The following KLF13 variants were observed in gnomAD, a reference collection of about 807,000 sequenced individuals.
KLF13 encodes KLF transcription factor 13.
Under a neutral mutation model 16.7 loss-of-function variants are expected in KLF13, and 8 were observed. That is an observed-to-expected ratio of 0.48 (90% CI 0.28 to 0.87). The LOEUF is 0.87. Among genes scored for constraint, KLF13 ranks in the 40% least tolerant of loss-of-function variants. The pLI is 0.10. For synonymous variants in KLF13, 245 were observed against 208.4 expected (o/e 1.18, Z -1.51); for missense variants, 447 against 452.2 (o/e 0.99, Z 0.10).
chr15:31,418,961 A>C (rs942104386), intron 1 of KLF13, among the ~76,000 whole-genome samples: 3 of 152,184 alleles, frequency 2.0e-5, no homozygotes, highest in Admixed American at 6.5e-5. Flanking sequence ...ACATACATAT[A>C]TACAAACATA....
chr15:31,396,067 C>T (rs2039948164), intron 2 of KLF13, among the ~76,000 whole-genome samples: 1 of 152,072 alleles, frequency 6.6e-6, no homozygotes, highest in South Asian at 2.1e-4. Flanking sequence ...CTCTTGTTTC[C>T]CATGCTGGAG....
At chr15:31,366,397 G>A (rs2140961641) in intron 1 of KLF13, 1 of 152,548 alleles carries the variant, frequency 6.6e-6, no homozygotes, top group African/African-American at 2.4e-5. Context: ...CCCATGCACA[G>A]GCACAGGCAC....
chr15:31,390,630 C>T (rs1290799117), upstream of KLF13, among the ~76,000 whole-genome samples: 2 of 152,198 alleles, frequency 1.3e-5, no homozygotes, highest in South Asian at 2.1e-4. Flanking sequence ...CTGCATTCCA[C>T]GGAGCACTCC....
At chr15:31,353,900 C>T (rs2039258073) in intron 1 of KLF13, among the ~76,000 whole-genome samples, 1 of 152,216 alleles carries the variant, frequency 6.6e-6, no homozygotes, top group African/African-American at 2.4e-5. Flanking sequence ...TAAACAGAAA[C>T]CAGGCTGCTT....
chr15:31,342,364 C>T (rs1463265087), intron 1 of KLF13, among the ~76,000 whole-genome samples: 1 of 152,228 alleles, frequency 6.6e-6, no homozygotes, highest in African/African-American at 2.4e-5. Flanking sequence ...CGGCTGCCCT[C>T]CCAGGGACGC....
At chr15:31,432,954 A>C (rs2040491025) in intron 1 of KLF13, among the ~76,000 whole-genome samples, 1 of 152,170 alleles carries the variant, frequency 6.6e-6, no homozygotes, top group Non-Finnish European at 1.5e-5. Flanking sequence ...ATCTCTACTA[A>C]AAATACAAAA....
chr15:31,347,419 G>A (rs1042299935), intron 1 of KLF13, among the ~76,000 whole-genome samples: 2 of 152,204 alleles, frequency 1.3e-5, no homozygotes, highest in African/African-American at 2.4e-5. Flanking sequence ...TTTGCCGCAC[G>A]TGGGTGGCAA....
rs2038718143 is a variant in KLF13 at position 31,326,953 on chromosome 15, G to GCCCCTGACGCCGCGCGGGGA, written c.-255_-236dup. On this transcript the variant is annotated 5_prime_UTR_variant, in exon 1 of 2. Transcript: ENST00000307145. ...CCGCTCGGCATCCTTAGAACCGGCC[G>GCCCCTGACGCCGCGCGGGGA]CCCCTGACGCCGCGCGGGGACCCCA... The GCCCCTGACGCCGCGCGGGGA allele has an allele frequency of 6.3e-6, 1 of 158,096 alleles. No homozygotes were observed. The highest frequency in any genetic ancestry group is 2.4e-5 in the African/African-American group (1 of 41,336). The allele number at this position is 158,096 out of a possible 1,614,324, so 9.8% of individuals were successfully genotyped here.
At chr15:31,379,446 A>G (rs76127796), downstream of KLF13, among the ~76,000 whole-genome samples, 1 of 143,024 alleles carries the variant, frequency 7.0e-6, no homozygotes, top group East Asian at 2.0e-4. Flanking sequence ...TATTGACAGG[A>G]AAAAAAAAAA....
At chr15:31,420,252 T>C in intron 1 of KLF13, 2 of 696,236 alleles carry the variant, frequency 2.9e-6, no homozygotes, top group Non-Finnish European at 2.6e-6. Flanking sequence ...CTGATGACCC[T>C]CATGATATCT....
Position 31,397,880 on chromosome 15 carries a change from G to T in KLF13, n.529+4189G>T, listed in dbSNP as rs113307870. Among the ~76,000 whole-genome samples the T allele has an allele frequency of 1.2e-4, 17 of 146,466 alleles. No individual in the cohort carries two copies. The South Asian group carries it at 3.0e-3, about 25-fold the overall frequency. On this transcript the variant is annotated intron_variant and non_coding_transcript_variant, in intron 2 of 2. Coordinates refer to the KLF13 transcript ENST00000500533. Reference sequence around the variant, plus strand: ...TGGTCTTTGGGGGTGGCGGCGGGGGGGGTGGTGATCCACTCTCCCTGGGGA... The same window carrying T: ...TGGTCTTTGGGGGTGGCGGCGGGGGTGGTGGTGATCCACTCTCCCTGGGGA...
At chr15:31,363,590 G>A (rs1363820863) in intron 1 of KLF13, among the ~76,000 whole-genome samples, 2 of 152,218 alleles carry the variant, frequency 1.3e-5, no homozygotes, top group Admixed American at 1.3e-4. Context: ...ACGCTCAAGT[G>A]ATTCTCCTGT....
intron 1 of KLF13, among the ~76,000 whole-genome samples, chr15:31,422,142 A>AAAAG (rs2040335233): frequency 1.3e-5 from 2 of 151,880 alleles, no homozygotes; most frequent in African/African-American, 2.4e-5. Flanking sequence ...CAAAAAAAAA[A>AAAAG]AAAAAAGAAA....
intron 1 of KLF13, among the ~76,000 whole-genome samples, chr15:31,348,899 A>G (rs1039747760): frequency 2.6e-5 from 4 of 152,158 alleles, no homozygotes; most frequent in African/African-American, 9.7e-5. Context: ...TCTTCTTACT[A>G]TAATGTCACA....
intron 1 of KLF13, among the ~76,000 whole-genome samples, chr15:31,353,999 C>T (rs979707779): frequency 2.6e-5 from 4 of 152,242 alleles, no homozygotes; most frequent in Non-Finnish European, 4.4e-5. Context: ...ACTCCAGGAC[C>T]CAGGTTGTAG....
intron 1 of KLF13, among the ~76,000 whole-genome samples, chr15:31,332,979 T>A (rs990855076): frequency 4.6e-5 from 7 of 152,162 alleles, no homozygotes; most frequent in Non-Finnish European, 8.8e-5. Flanking sequence ...CTAGCAGGGA[T>A]CTTGAGATAC....
intron 1 of KLF13, among the ~76,000 whole-genome samples, chr15:31,335,957 CAGG>C (rs1336697443): frequency 6.6e-6 from 1 of 152,264 alleles, no homozygotes; most frequent in Non-Finnish European, 1.5e-5. Context: ...CCTCCTGTCT[CAGG>C]AGAAACTTCT....
chr15:31,418,201 G>A (rs545109756), intron 1 of KLF13, among the ~76,000 whole-genome samples: 1 of 152,220 alleles, frequency 6.6e-6, no homozygotes, highest in South Asian at 2.1e-4. Flanking sequence ...CTTGTTGGAA[G>A]CAGCTAAAGT....
intron 1 of KLF13, among the ~76,000 whole-genome samples, chr15:31,359,455 G>C (rs1409718041): frequency 6.6e-6 from 1 of 152,206 alleles, no homozygotes; most frequent in East Asian, 1.9e-4. Flanking sequence ...CTTAGGGATT[G>C]GGGTGCTGGG....
Sources: gnomAD v4.1 joint callset for allele counts (sites outside exome capture counted in the v4.1 genomes callset) on GRCh38, gnomAD v4.1.1 for gene constraint, MANE v1.5 for transcripts, NCBI Gene and HGNC (gene_info 2026-07-23, HGNC 2026-07-21) for gene names.